The following IL1R1 variants were observed in gnomAD, a reference collection of about 807,000 sequenced individuals.
IL1R1 encodes interleukin 1 receptor type 1.
A neutral mutation model predicts 50.2 loss-of-function variants in IL1R1; 22 were observed. The ratio of observed to expected loss-of-function variants is 0.44; its 90% confidence interval spans 0.31 to 0.63. The LOEUF is 0.63. Among genes scored for constraint, IL1R1 ranks in the 20% least tolerant of loss-of-function variants. The probability of loss-of-function intolerance (pLI) is 0.07; values close to 1 mark genes in which losing one functional copy is unlikely to be tolerated. For missense variants in IL1R1, 509 were observed against 676.2 expected (o/e 0.75, Z 2.74); for synonymous variants, 251 against 236.7 (o/e 1.06, Z -0.55).
At chr2:102,099,994 T>C (rs918962039), upstream of IL1R1, among the ~76,000 whole-genome samples, 2 of 152,168 alleles carry the variant, frequency 1.3e-5, no homozygotes, top group African/African-American at 4.8e-5. Flanking sequence ...TAAGCTTGCC[T>C]GCTCTGCCCT....
At chr2:102,145,143 G>C (rs1016152506) in intron 1 of IL1R1, among the ~76,000 whole-genome samples, 1 of 152,210 alleles carries the variant, frequency 6.6e-6, no homozygotes, top group Non-Finnish European at 1.5e-5. Flanking sequence ...GGATATACTA[G>C]GTTCTTGCCA....
chr2:102,124,554 C>T (rs775544164), intron 1 of IL1R1, among the ~76,000 whole-genome samples: 8 of 152,242 alleles, frequency 5.3e-5, no homozygotes, highest in Non-Finnish European at 1.0e-4. Flanking sequence ...GAAGGGGAAG[C>T]AAGTGCATCT....
intron 1 of IL1R1, among the ~76,000 whole-genome samples, chr2:102,090,609 C>T (rs1559456278): frequency 6.6e-6 from 1 of 152,108 alleles, no homozygotes; most frequent in Non-Finnish European, 1.5e-5. Context: ...TGAATTTTCA[C>T]TTCAGCTATT....
Position 102,178,894 on chromosome 2 carries a change from C to T in IL1R1, c.*2135C>T, listed in dbSNP as rs981725512. 6.6e-6 allele frequency: 1 copy of T among 152,212 alleles called. No homozygotes were observed. Among genetic ancestry groups the T allele is most frequent in the African/African-American group, 2.4e-5 (1 of 41,396 alleles). 9.4% of individuals were successfully genotyped at this position (152,212 alleles called of 1,614,324 possible). A position where few individuals can be genotyped will look rare whatever the true frequency, so the allele number is the denominator to read the frequency against. On this transcript the variant is annotated 3_prime_UTR_variant, in exon 12 of 12. Coordinates refer to ENST00000410023, the MANE Select transcript of IL1R1 (RefSeq NM_000877.4). ...GAGGACTTTTGGTTTTTATATTTCTCGTATTTAATATGGGTGAACACCAAC... is the reference window on the plus strand; with the variant it reads ...GAGGACTTTTGGTTTTTATATTTCTTGTATTTAATATGGGTGAACACCAAC...
intron 1 of IL1R1, among the ~76,000 whole-genome samples, chr2:102,093,345 T>C (rs1194968466): frequency 6.6e-6 from 1 of 152,196 alleles, no homozygotes; most frequent in Non-Finnish European, 1.5e-5. Context: ...AGTCTTCATT[T>C]CTTTGGGGTA....
At chr2:102,175,216 C>T (rs1046851455) in intron 10 of IL1R1, among the ~76,000 whole-genome samples, 4 of 151,892 alleles carry the variant, frequency 2.6e-5, no homozygotes, top group African/African-American at 9.7e-5. Flanking sequence ...GACAGGGAGA[C>T]TTTAAGGATG....
In IL1R1 at chr2:102,179,817, T is replaced by C. The variant is rs1338673772; in HGVS notation, c.*3058T>C. 1 of 152,766 alleles carries C rather than the reference T, an allele frequency of 6.5e-6. No individual in the cohort carries two copies. The highest frequency in any genetic ancestry group is 2.4e-5 in the African/African-American group (1 of 41,456). 9.5% of individuals were successfully genotyped at this position (152,766 alleles called of 1,614,324 possible). A position where few individuals can be genotyped will look rare whatever the true frequency, so the allele number is the denominator to read the frequency against. On this transcript the variant is annotated 3_prime_UTR_variant, in exon 12 of 12. Coordinates refer to ENST00000410023, the MANE Select transcript of IL1R1 (RefSeq NM_000877.4). ...GCACCAAATTCATGTACAGCATGCATCACGGATCAATAGACTGTACTTATT... is the reference window on the plus strand; with the variant it reads ...GCACCAAATTCATGTACAGCATGCACCACGGATCAATAGACTGTACTTATT...
intron 9 of IL1R1, among the ~76,000 whole-genome samples, chr2:102,174,334 G>T (rs893523123): frequency 1.3e-5 from 2 of 152,002 alleles, no homozygotes; most frequent in African/African-American, 4.8e-5. Context: ...GTGGTCTTCG[G>T]TATTATTTCC....
rs1357658572 is a variant in IL1R1 at position 102,080,765 on chromosome 2, G to A, written c.-84+10232G>A. ...AAAAATCTGTACACCAATTTTCATAGCAACATTATTCAAAATAGCCAAAAC... is the reference window on the plus strand; with the variant it reads ...AAAAATCTGTACACCAATTTTCATAACAACATTATTCAAAATAGCCAAAAC... On this transcript the variant is annotated intron_variant, in intron 1 of 11. Transcript: ENST00000409929. Among the ~76,000 whole-genome samples, 7 of 152,268 alleles carry A rather than the reference G, an allele frequency of 4.6e-5. No homozygotes were observed. The East Asian group carries it at 7.7e-4, about 17-fold the overall frequency.
intron 1 of IL1R1, among the ~76,000 whole-genome samples, chr2:102,092,340 G>T (rs147538655): frequency 1.7e-4 from 26 of 151,724 alleles, no homozygotes; most frequent in African/African-American, 5.8e-4. Flanking sequence ...TTGTTTTTCC[G>T]CTCCTAGTCG....
At chr2:102,162,848 TG>T (rs1684851180) in intron 3 of IL1R1, among the ~76,000 whole-genome samples, 1 of 152,190 alleles carries the variant, frequency 6.6e-6, no homozygotes. Flanking sequence ...TACCCATTTT[TG>T]TTGCTATTCA....
chr2:102,172,822 C>G lies in IL1R1; in HGVS notation c.975C>G (p.Ile325Met), dbSNP rs1383752149. ...KNTHGIDAAY[I>M]QLIYPVTNFQ... ...CACATGGTATAGATGCAGCATATAT[C>G]CAGTTAATATATCCAGGTAAACAAC... The change falls in exon 9 of 12, where the codon ATC becomes ATG. Residue 325 changes from isoleucine (I) to methionine (M), a missense_variant. By Grantham distance (10) the Ile-to-Met change is conservative (BLOSUM62 1). Transcript: ENST00000410023. The G allele has an allele frequency of 1.2e-6, 2 of 1,602,404 alleles. No individual in the cohort carries two copies. The highest frequency in any genetic ancestry group is 1.3e-5 in the African/African-American group (1 of 74,522).
rs929719797 is a variant in IL1R1 at position 102,078,599 on chromosome 2, C to T, written c.-84+8066C>T. 4.3e-5 allele frequency among the ~76,000 whole-genome samples: 6 copies of T among 139,128 alleles called. No homozygotes were observed. The South Asian group carries it at 1.4e-3, about 32-fold the overall frequency. The allele number at this position is 139,128 out of a possible 152,430, so 91.3% of individuals were successfully genotyped here. ...ACACACACACACACACACACACACACAAGAAAAAAAAAAGGAAAAAAGCCC... is the reference window on the plus strand; with the variant it reads ...ACACACACACACACACACACACACATAAGAAAAAAAAAAGGAAAAAAGCCC... On this transcript the variant is annotated intron_variant, in intron 1 of 11. Transcript: ENST00000409929.
At position 102,176,761 on chromosome 2, in the gene IL1R1, A is replaced by G. The variant is rs3917321; in HGVS notation, c.*2A>G. The G allele has an allele frequency of 6.2e-4, 1,006 of 1,611,994 alleles. 6 individuals are homozygous for G. The African/African-American group carries it at 0.012, about 19-fold the overall frequency. ...GAGGCTCACGTGCCTCTCGGGTAGC[A>G]TGGAGAAGTTGCCAAGAGTTCTTTA... is the stretch of plus-strand genomic sequence containing the variant. On this transcript the variant is annotated 3_prime_UTR_variant, in exon 12 of 12. Coordinates refer to ENST00000410023, the MANE Select transcript of IL1R1 (RefSeq NM_000877.4).
At chr2:102,142,191 A>G (rs1682699160), upstream of IL1R1, 1 of 152,158 alleles carries the variant, frequency 6.6e-6, no homozygotes, top group Admixed American at 6.5e-5. Flanking sequence ...TTTTATATGT[A>G]TTAGCTCATT....
At chr2:102,172,992 C>G (rs563751212) in intron 9 of IL1R1, among the ~76,000 whole-genome samples, 154 bp downstream of exon 9, 1 of 152,170 alleles carries the variant, frequency 6.6e-6, no homozygotes, top group East Asian at 1.9e-4. Flanking sequence ...CTGCTGAACT[C>G]TCTCTTCTTG....
rs1293058018 is a variant in IL1R1 at position 102,171,868 on chromosome 2, T to C, written c.789T>C (p.Asn263=). 6.2e-7 allele frequency: 1 copy of C among 1,610,406 alleles called. No homozygotes were observed. The highest frequency in any genetic ancestry group is 2.2e-5 in the East Asian group (1 of 44,830). ...QLSDIAYWKW[N]GSVIDEDDPV... ...GTGACATTGCTTACTGGAAGTGGAATGGGTCAGTAATTGATGAAGATGACC... is the reference window on the plus strand; with the variant it reads ...GTGACATTGCTTACTGGAAGTGGAACGGGTCAGTAATTGATGAAGATGACC... The change falls in exon 8 of 12, where the codon AAT becomes AAC. Residue 263 remains asparagine (N), a synonymous_variant. Transcript: ENST00000410023.
chr2:102,115,694 GA>G (rs1681031560), intron 1 of IL1R1, among the ~76,000 whole-genome samples: 1 of 152,158 alleles, frequency 6.6e-6, no homozygotes, highest in South Asian at 2.1e-4. Context: ...ATAGGCCTTG[GA>G]GGGGGGAGAA....
chr2:102,077,133 C>T (rs1679003336), intron 1 of IL1R1, among the ~76,000 whole-genome samples: 1 of 151,902 alleles, frequency 6.6e-6, no homozygotes, highest in South Asian at 2.1e-4. Flanking sequence ...TATAGTGGTG[C>T]AATTTCAGCT....
Sources: gnomAD v4.1 joint callset for allele counts (sites outside exome capture counted in the v4.1 genomes callset) on GRCh38, gnomAD v4.1.1 for gene constraint, MANE v1.5 for transcripts, NCBI Gene and HGNC (gene_info 2026-07-23, HGNC 2026-07-21) for gene names.